Variants in GRHPR observed in about 807,000 individuals in gnomAD.
GRHPR encodes the protein glyoxylate reductase/hydroxypyruvate reductase.
Under a neutral mutation model 36.8 loss-of-function variants are expected in GRHPR, and 35 were observed. The observed-to-expected ratio is 0.95, with a 90% CI of 0.73 to 1.26. The LOEUF is 1.26. GRHPR is among the 50% of genes most tolerant of loss of function. The pLI is 0.00. For missense variants in GRHPR, 380 were observed against 435.0 expected (o/e 0.87, Z 1.12); for synonymous variants, 179 against 181.0 (o/e 0.99, Z 0.09).
intron 8 of GRHPR, among the ~76,000 whole-genome samples, chr9:37,435,788 A>G (rs953777520): frequency 6.6e-6 from 1 of 152,154 alleles, no homozygotes; most frequent in African/African-American, 2.4e-5. Context: ...ACCTGGAAAA[A>G]ACCCAAAAGC....
intron 8 of GRHPR, chr9:37,434,199 G>C (rs192698399): frequency 2.5e-6 from 1 of 399,838 alleles, no homozygotes; most frequent in African/African-American, 2.1e-5. Context: ...CAGCAGGAAG[G>C]GAAGGATGCA....
chr9:37,433,534 C>T (rs1030002408), intron 8 of GRHPR, among the ~76,000 whole-genome samples: 2 of 152,078 alleles, frequency 1.3e-5, no homozygotes, highest in Non-Finnish European at 2.9e-5. Context: ...GGCCAATTCT[C>T]ATACTTTTGA....
chr9:37,424,496 C>CT (rs1445043143), intron 1 of GRHPR, among the ~76,000 whole-genome samples: 1 of 152,244 alleles, frequency 6.6e-6, no homozygotes, highest in Non-Finnish European at 1.5e-5. Flanking sequence ...GAATCCAGGC[C>CT]CCCCACCTGA....
At chr9:37,434,038 C>A (rs1039848887) in intron 8 of GRHPR, 5 of 388,178 alleles carry the variant, frequency 1.3e-5, no homozygotes, top group South Asian at 1.3e-4. Flanking sequence ...CTCCCACCCC[C>A]ACCCTAGGTC....
Position 37,430,515 on chromosome 9 carries a change from T to C in GRHPR, c.603T>C (p.Ser201=). 1 of 1,613,526 alleles carries C rather than the reference T, an allele frequency of 6.2e-7. No homozygotes were observed. Residue 201 remains serine, a synonymous_variant, in exon 7 of 9, where the codon TCT becomes TCC. Transcript: ENST00000318158. ...EAAEFQAEFV[S]TPELAAQSDF... ...TGGAGTCCTGCCCTCCCTCAGTGTC[T>C]ACCCCTGAGCTGGCTGCCCAATCTG...
intron 4 of GRHPR, chr9:37,427,704 G>GTTA: frequency 6.6e-6 from 1 of 152,352 alleles, no homozygotes; most frequent in East Asian, 1.9e-4. Context: ...CAGGCGTGGT[G>GTTA]TTACACGCCT....
intron 3 of GRHPR, chr9:37,426,304 T>G (rs1483535030): frequency 1.6e-6 from 1 of 607,894 alleles, no homozygotes; most frequent in Non-Finnish European, 2.9e-6. Flanking sequence ...TTCAGAAAGG[T>G]TAAGTTACTT....
chr9:37,436,572 A>C (rs1438831138), intron 8 of GRHPR, 89 bp from the exon 9 acceptor site: 1 of 1,412,794 alleles, frequency 7.1e-7, no homozygotes, highest in African/African-American at 1.4e-5. Context: ...TATTCTTCTT[A>C]CCGGCAAACC....
At position 37,422,764 on chromosome 9, in the gene GRHPR, G is replaced by T; in HGVS notation, c.14G>T (p.Arg5Leu). MRPVRLMKVFVTRRI... is the reference protein window; with the variant it reads MRPVLLMKVFVTRRI... ...GCTGCACTGCGGATGAGACCGGTGC[G>T]ACTCATGAAGGTGTTCGTCACCCGC... Residue 5 changes from arginine to leucine, a missense_variant, in exon 1 of 9, where the codon CGA becomes CTA. Coordinates refer to ENST00000318158, the MANE Select transcript of GRHPR (RefSeq NM_012203.2). 1 of 1,592,190 alleles carries T rather than the reference G, an allele frequency of 6.3e-7. No individual in the cohort carries two copies. Among genetic ancestry groups the T allele is most frequent in the East Asian group, 2.3e-5 (1 of 43,434 alleles).
At chr9:37,436,427 C>A (rs1255531516) in intron 8 of GRHPR, among the ~76,000 whole-genome samples, 3 of 152,168 alleles carry the variant, frequency 2.0e-5, no homozygotes, top group African/African-American at 7.2e-5. Context: ...ACAAATCTTT[C>A]ATCACATTGT....
upstream of GRHPR, chr9:37,422,695 T>C: frequency 1.5e-6 from 2 of 1,366,958 alleles, no homozygotes; most frequent in Non-Finnish European, 2.0e-6. Flanking sequence ...CCGGCCCAGC[T>C]ACATTCCCGG....
At chr9:37,438,167 A>C (rs887868549), downstream of GRHPR, 4 of 152,650 alleles carry the variant, frequency 2.6e-5, no homozygotes, top group Middle Eastern at 3.2e-3. Context: ...GCATAGCACC[A>C]CTGACATGGA....
At chr9:37,437,883 G>C (rs1255753706), downstream of GRHPR, among the ~76,000 whole-genome samples, 1 of 152,180 alleles carries the variant, frequency 6.6e-6, no homozygotes, top group African/African-American at 2.4e-5. Flanking sequence ...GGCCCTCAGA[G>C]AGCAACTGGG....
At chr9:37,436,550 G>A (rs758357363) in intron 8 of GRHPR, 111 bp from the exon 9 acceptor site, 55 of 1,134,366 alleles carry the variant, frequency 4.8e-5, no homozygotes, top group Non-Finnish European at 7.0e-5. Flanking sequence ...GAACCATGAG[G>A]TAGTCTCTCT....
At position 37,432,139 on chromosome 9, in the gene GRHPR, G is replaced by GT. The variant is rs1218448371; in HGVS notation, c.865+2dup. 1 of 1,613,934 alleles carries GT rather than the reference G, an allele frequency of 6.2e-7. No individual in the cohort carries two copies. Among genetic ancestry groups the GT allele is most frequent in the Non-Finnish European group, 8.5e-7 (1 of 1,179,836 alleles). On this transcript the variant is annotated splice_donor_variant, in intron 8 of 8. Transcript: ENST00000318158. LOFTEE classifies it high-confidence loss of function. Reference sequence around the variant, plus strand: ...CCTCTCCTGACCCTGAAGAACTGTGGTAAGAACTGCACTTTCTGATGCAAA... The same window carrying GT: ...CCTCTCCTGACCCTGAAGAACTGTGGTTAAGAACTGCACTTTCTGATGCAAA...
chr9:37,430,097 G>A (rs1823288124), intron 6 of GRHPR: 1 of 558,704 alleles, frequency 1.8e-6, no homozygotes, highest in Non-Finnish European at 3.2e-6. Context: ...TCCCCATTGT[G>A]GGCGGAGCAG....
At chr9:37,431,143 T>C (rs1157788112) in intron 7 of GRHPR, 3 of 415,280 alleles carry the variant, frequency 7.2e-6, no homozygotes, top group East Asian at 1.4e-4. Context: ...CCACTGGGCA[T>C]GTATGGAGGT....
intron 1 of GRHPR, 58 bp from the exon 2 acceptor site, chr9:37,424,784 GGGA>G: frequency 6.4e-7 from 1 of 1,573,454 alleles, no homozygotes. Context: ...ATTCCCAGCT[GGGA>G]GGGGCGGGGA....
intron 4 of GRHPR, chr9:37,428,054 G>C: frequency 6.4e-6 from 2 of 313,828 alleles, no homozygotes; most frequent in Non-Finnish European, 1.2e-5. Flanking sequence ...GCTCAGGGCA[G>C]GCTCCATCTC....
Sources: gnomAD v4.1 joint callset for allele counts (sites outside exome capture counted in the v4.1 genomes callset) on GRCh38, gnomAD v4.1.1 for gene constraint, MANE v1.5 for transcripts, NCBI Gene and HGNC (gene_info 2026-07-23, HGNC 2026-07-21) for gene names.